Variants in HPSE2 observed in about 807,000 individuals in gnomAD.
HPSE2 encodes the protein inactive heparanase-2.
Under a neutral mutation model 60.5 loss-of-function variants are expected in HPSE2, and 38 were observed. The observed-to-expected ratio is 0.63, with a 90% confidence interval of 0.48 to 0.82. HPSE2 has a LOEUF of 0.82. Among genes scored for constraint, HPSE2 ranks in the 40% least tolerant of loss-of-function variants. The pLI, the probability that HPSE2 is intolerant of heterozygous loss-of-function variation, is 0.00. For missense variants in HPSE2, 713 were observed against 740.4 expected, an observed-to-expected ratio of 0.96 and a Z score of 0.43; for synonymous variants, 295 against 293.2, an observed-to-expected ratio of 1.01 and a Z score of -0.06.
In HPSE2 at chr10:98,937,252, C is replaced by T. The variant is rs1426831090; in HGVS notation, c.611-193196G>A. 3.5e-5 allele frequency among the ~76,000 whole-genome samples: 5 copies of T among 143,868 alleles called. 2 individuals are homozygous for T. Among genetic ancestry groups the T allele is most frequent in the Admixed American group, 1.4e-4 (2 of 14,514 alleles). 94.4% of individuals were successfully genotyped at this position (143,868 alleles called of 152,430 possible). On this transcript the variant is annotated intron_variant, in intron 3 of 11. Transcript: ENST00000370552. Reference sequence around the variant, plus strand: ...AGTGGGCGCAGGACAGTGGGTGCAGCGCACCGTGCGCAAGCTGAAGCAGGG... The same window carrying T: ...AGTGGGCGCAGGACAGTGGGTGCAGTGCACCGTGCGCAAGCTGAAGCAGGG...
chr10:98,968,217 C>A (rs1955862541), intron 3 of HPSE2, among the ~76,000 whole-genome samples: 1 of 152,014 alleles, frequency 6.6e-6, no homozygotes, highest in African/African-American at 2.4e-5. Context: ...TTTTTGCAAA[C>A]ACCCTAAGCA....
intron 6 of HPSE2, among the ~76,000 whole-genome samples, chr10:98,651,178 C>T (rs1027434196): frequency 6.6e-6 from 1 of 152,176 alleles, no homozygotes; most frequent in Non-Finnish European, 1.5e-5. Context: ...ACAATTGTCA[C>T]TTCTCTGTTT....
chr10:99,060,564 A>G (rs955700922), intron 3 of HPSE2, among the ~76,000 whole-genome samples: 1 of 148,810 alleles, frequency 6.7e-6, no homozygotes, highest in Admixed American at 6.8e-5. Flanking sequence ...AGGCTGAGGC[A>G]GGAGAATCAC....
chr10:98,819,027 T>C (rs1035359609), intron 3 of HPSE2, among the ~76,000 whole-genome samples: 7 of 152,184 alleles, frequency 4.6e-5, no homozygotes, highest in Non-Finnish European at 1.5e-5. Context: ...ACTTTAACAC[T>C]ATAAAACTAA....
At chr10:99,004,717 G>A (rs1320346314) in intron 3 of HPSE2, among the ~76,000 whole-genome samples, 1 of 152,108 alleles carries the variant, frequency 6.6e-6, no homozygotes, top group African/African-American at 2.4e-5. Flanking sequence ...ATTTGACTGT[G>A]TACTTACTTT....
intron 3 of HPSE2, among the ~76,000 whole-genome samples, chr10:99,019,522 C>T (rs529778830): frequency 1.0e-3 from 152 of 152,070 alleles, no homozygotes; most frequent in Admixed American, 1.9e-3. Context: ...TATGATTCTA[C>T]CTTGGTTTTT....
the HPSE2 span, among the ~76,000 whole-genome samples, chr10:99,306,977 T>C: frequency 2.0e-5 from 3 of 152,218 alleles, no homozygotes; most frequent in Non-Finnish European, 2.9e-5. Flanking sequence ...CCCAAAGTGC[T>C]GGGATTACAG....
chr10:99,281,982 G>A, the HPSE2 span, among the ~76,000 whole-genome samples: 4,206 of 152,044 alleles, frequency 0.028, 194 homozygotes, highest in African/African-American at 0.096. Context: ...AAGACAGGCC[G>A]GGTGCGGTGG....
the HPSE2 span, among the ~76,000 whole-genome samples, chr10:99,284,535 A>G: frequency 1.3e-5 from 2 of 152,186 alleles, no homozygotes; most frequent in Admixed American, 6.5e-5. Context: ...AAGTTTCTTA[A>G]TCTTAGAAGA....
intron 11 of HPSE2, among the ~76,000 whole-genome samples, chr10:98,478,346 T>C (rs940767573): frequency 2.0e-5 from 3 of 152,110 alleles, no homozygotes; most frequent in Non-Finnish European, 4.4e-5. Context: ...TCTTAGTGGC[T>C]TGACTTTGCT....
At chr10:99,147,350 A>G (rs893957984) in intron 2 of HPSE2, among the ~76,000 whole-genome samples, 2 of 152,258 alleles carry the variant, frequency 1.3e-5, no homozygotes, top group African/African-American at 4.8e-5. Context: ...GAAAAGAAAT[A>G]TGAATGCTTT....
intron 2 of HPSE2, among the ~76,000 whole-genome samples, chr10:99,216,601 T>C (rs1036288728): frequency 1.2e-4 from 19 of 152,358 alleles, no homozygotes; most frequent in African/African-American, 4.6e-4. Flanking sequence ...TAAGGTTTAC[T>C]GCTTCTTCCT....
chr10:99,106,969 C>G (rs564454305), intron 3 of HPSE2, among the ~76,000 whole-genome samples: 49 of 152,266 alleles, frequency 3.2e-4, no homozygotes, highest in Middle Eastern at 3.4e-3. Flanking sequence ...CTCCTGGATG[C>G]AAGCGATTCT....
intron 3 of HPSE2, among the ~76,000 whole-genome samples, chr10:99,057,914 G>A (rs1175200630): frequency 3.0e-4 from 2 of 6,652 alleles, no homozygotes; most frequent in East Asian, 0.038. Flanking sequence ...GAATCTTATG[G>A]GTTAAAAAAA....
the HPSE2 span, among the ~76,000 whole-genome samples, chr10:99,305,979 G>GCGCGCACACACACACACACACACA: frequency 1.6e-3 from 129 of 80,528 alleles, 2 homozygotes; most frequent in African/African-American, 3.5e-3. Context: ...GCGCGCGCGC[G>GCGCGCACACACACACACACACACA]CACACACACA....
chr10:98,509,971 G>A (rs570660192), intron 9 of HPSE2, among the ~76,000 whole-genome samples: 5,431 of 150,548 alleles, frequency 0.036, 308 homozygotes, highest in African/African-American at 0.12. Context: ...ACACACACAC[G>A]CACACACACA....
chr10:99,183,440 G>C (rs990342737), intron 2 of HPSE2, among the ~76,000 whole-genome samples: 5 of 152,170 alleles, frequency 3.3e-5, no homozygotes, highest in African/African-American at 1.2e-4. Flanking sequence ...CTGGAAACTT[G>C]TATTTGTTTT....
chr10:98,890,071 T>C (rs533541751), intron 3 of HPSE2, among the ~76,000 whole-genome samples: 1 of 152,208 alleles, frequency 6.6e-6, no homozygotes, highest in East Asian at 1.9e-4. Flanking sequence ...TTTAACATAG[T>C]TATCTTATAT....
rs1435564561 is a variant in HPSE2, at chr10:98,721,795, G to A, written c.818C>T (p.Ala273Val). Residue 273 changes from alanine (A) to valine (V), a missense_variant, in exon 5 of 12, where the codon GCA becomes GTA. Coordinates refer to ENST00000370552, the MANE Select transcript of HPSE2 (RefSeq NM_021828.5). Reference protein sequence around the residue: ...PNNYRTMHGRAVNGSQLGKDY... With the variant: ...PNNYRTMHGRVVNGSQLGKDY... ...CTTTCCCAACTGGCTGCCATTTACT[G>A]CCCGGCCATGCATGGTCCGATAGTT... 2 of 1,613,320 alleles carry A rather than the reference G, an allele frequency of 1.2e-6. No individual in the cohort carries two copies. The highest frequency in any genetic ancestry group is 1.3e-5 in the African/African-American group (1 of 74,738).
Sources: allele counts gnomAD v4.1 joint callset (sites outside exome capture counted in the v4.1 genomes callset), GRCh38; gene constraint gnomAD v4.1.1; transcripts MANE v1.5; gene names NCBI Gene and HGNC (gene_info 2026-07-23, HGNC 2026-07-21).